The following ARHGAP11B variants were observed in gnomAD, a reference collection of about 807,000 sequenced individuals.
ARHGAP11B encodes the protein Rho GTPase activating protein 11B, also known as inactive Rho GTPase-activating protein 11B.
Under a neutral mutation model 27.6 loss-of-function variants are expected in ARHGAP11B, and 14 were observed. The observed-to-expected ratio is 0.51, with a 90% CI of 0.34 to 0.79. ARHGAP11B has a LOEUF of 0.79. Ranked by LOEUF, ARHGAP11B falls within the 30% of genes least tolerant of loss-of-function variation. The probability of loss-of-function intolerance (pLI) is 0.02; values close to 1 mark genes in which losing one functional copy is unlikely to be tolerated. For synonymous variants in ARHGAP11B, 82 were observed against 114.1 expected (o/e 0.72, Z 1.80); for missense variants, 245 against 320.1 (o/e 0.77, Z 1.79).
chr15:30,641,889 G>T (rs983614591), intron 7 of ARHGAP11B, among the ~76,000 whole-genome samples: 18 of 151,544 alleles, frequency 1.2e-4, no homozygotes, highest in Non-Finnish European at 2.4e-4. Flanking sequence ...GCTAATTTTT[G>T]TATTTTTAGT....
At chr15:30,642,728 T>G (rs958857337) in intron 7 of ARHGAP11B, among the ~76,000 whole-genome samples, 3 of 152,032 alleles carry the variant, frequency 2.0e-5, no homozygotes, top group Non-Finnish European at 2.9e-5. Flanking sequence ...TTTTCCAGTC[T>G]GCAATGGTGC....
At chr15:30,637,697 G>A (rs992534014) in intron 6 of ARHGAP11B, among the ~76,000 whole-genome samples, 1 of 151,824 alleles carries the variant, frequency 6.6e-6, no homozygotes, top group African/African-American at 2.4e-5. Context: ...TCGGGCCACT[G>A]CACTCCAGCC....
intron 2 of ARHGAP11B, among the ~76,000 whole-genome samples, chr15:30,631,520 G>C (rs537489628): frequency 2.6e-5 from 4 of 151,960 alleles, no homozygotes; most frequent in Admixed American, 1.3e-4. Flanking sequence ...AGAAAAATCA[G>C]CTGGGCAAGG....
exon 11 of ARHGAP11B, among the ~76,000 whole-genome samples, chr15:30,648,340 T>C (rs1377359377): frequency 6.6e-6 from 1 of 151,954 alleles, no homozygotes. Context: ...GTAGATCAAG[T>C]GTTAGAAGGC....
intron 8 of ARHGAP11B, chr15:30,644,707 G>C: frequency 6.4e-7 from 1 of 1,554,290 alleles, no homozygotes; most frequent in East Asian, 2.2e-5. Flanking sequence ...TTTCAGGTAG[G>C]ATCATAAAGG....
chr15:30,630,552 C>A, intron 1 of ARHGAP11B, 151 bp from the exon 2 acceptor site: 3 of 1,408,944 alleles, frequency 2.1e-6, no homozygotes, highest in East Asian at 2.4e-5. Flanking sequence ...TTATCAAATG[C>A]ACTTGAAATG....
chr15:30,646,993 A>G (rs765337141), intron 9 of ARHGAP11B, among the ~76,000 whole-genome samples: 3 of 151,900 alleles, frequency 2.0e-5, no homozygotes, highest in Non-Finnish European at 4.4e-5. Context: ...ACAAAACGTG[A>G]TATCATAAGA....
intron 1 of ARHGAP11B, among the ~76,000 whole-genome samples, chr15:30,628,714 A>G (rs905170208): frequency 6.6e-6 from 1 of 152,112 alleles, no homozygotes; most frequent in Non-Finnish European, 1.5e-5. Context: ...TAATGAAGAA[A>G]TGTAGAAGAT....
At chr15:30,642,533 C>T (rs2060321832) in intron 7 of ARHGAP11B, among the ~76,000 whole-genome samples, 1 of 151,960 alleles carries the variant, frequency 6.6e-6, no homozygotes, top group African/African-American at 2.4e-5. Flanking sequence ...CTCAAATACT[C>T]AGATTCCAAC....
At chr15:30,642,422 AG>A (rs1283822044) in intron 7 of ARHGAP11B, among the ~76,000 whole-genome samples, 3 of 152,024 alleles carry the variant, frequency 2.0e-5, no homozygotes, top group Admixed American at 2.0e-4. Context: ...CCAAGGGATT[AG>A]GAATGTGTTA....
rs2060323698 is a variant in ARHGAP11B, at chr15:30,642,885, T to C, written c.*79-1754T>C. Among the ~76,000 whole-genome samples the C allele has an allele frequency of 1.3e-5, 2 of 152,098 alleles. 1 individual carries two copies. The highest frequency in any genetic ancestry group is 2.9e-5 in the Non-Finnish European group (2 of 68,008). On this transcript the variant is annotated intron_variant, in intron 7 of 10. Coordinates refer to ENST00000428041, the Ensembl canonical transcript of ARHGAP11B. The stretch of plus-strand genomic sequence containing the variant: ...TGGGTTATTTGACACTTGAAGTTTC[T>C]AACCAGAAATTAAGTGATTTCGGTT...
At chr15:30,627,372 G>A (rs1595669023) in intron 1 of ARHGAP11B, among the ~76,000 whole-genome samples, 2 of 151,964 alleles carry the variant, frequency 1.3e-5, no homozygotes, top group Non-Finnish European at 2.9e-5. Context: ...CGTTGGGAGG[G>A]ACAAAAACTC....
chr15:30,626,901 T>G, exon 1 of ARHGAP11B: 1 of 1,613,368 alleles, frequency 6.2e-7, no homozygotes, highest in Non-Finnish European at 8.5e-7. Context: ...AGGGTGTCCG[T>G]GGGCAGTGCG....
intron 6 of ARHGAP11B, among the ~76,000 whole-genome samples, chr15:30,636,804 G>A (rs370653216): frequency 2.0e-5 from 3 of 152,064 alleles, no homozygotes; most frequent in South Asian, 2.1e-4. Context: ...TTGCAGCCGC[G>A]TCACTCCAAT....
intron 8 of ARHGAP11B, among the ~76,000 whole-genome samples, chr15:30,645,615 T>A (rs2060342669): frequency 6.6e-6 from 1 of 152,052 alleles, no homozygotes; most frequent in East Asian, 1.9e-4. Context: ...TTAGGGGGTA[T>A]CACATTTCCT....
At chr15:30,648,546 G>A (rs1376511413) in exon 11 of ARHGAP11B, among the ~76,000 whole-genome samples, 4 of 151,996 alleles carry the variant, frequency 2.6e-5, no homozygotes, top group African/African-American at 9.7e-5. Context: ...GTAAAATTTC[G>A]ATGGAGATGA....
At chr15:30,637,121 A>G (rs544199449) in intron 6 of ARHGAP11B, among the ~76,000 whole-genome samples, 10,732 of 151,752 alleles carry the variant, frequency 0.071, 585 homozygotes, top group African/African-American at 0.15. Context: ...AGTTTCAGTT[A>G]TCACATCTAA....
exon 1 of ARHGAP11B, chr15:30,626,508 A>G (rs1007741257): frequency 7.7e-6 from 3 of 387,306 alleles, no homozygotes; most frequent in Non-Finnish European, 1.4e-5. Context: ...CGAGAAACCG[A>G]AAGAATCAGA....
chr15:30,630,682 T>G (rs1479549726), intron 1 of ARHGAP11B, 21 bp from the exon 2 acceptor site: 5 of 1,578,734 alleles, frequency 3.2e-6, no homozygotes, highest in Non-Finnish European at 4.3e-6. Context: ...TGTGTTAGAG[T>G]AACTGAATTT....
Sources: gnomAD v4.1 joint callset for allele counts (sites outside exome capture counted in the v4.1 genomes callset) on GRCh38, gnomAD v4.1.1 for gene constraint, MANE v1.5 for transcripts, NCBI Gene and HGNC (gene_info 2026-07-23, HGNC 2026-07-21) for gene names.